The following FRMD1 variants were observed in gnomAD, a reference collection of about 807,000 sequenced individuals.
FRMD1 encodes FERM domain containing 1.
FRMD1 carries 51 observed loss-of-function variants against 54.9 expected under a neutral mutation model. The ratio of observed to expected loss-of-function variants is 0.93; its 90% CI spans 0.74 to 1.17. The LOEUF is 1.17. FRMD1 is among the 50% of genes most tolerant of loss of function. The pLI, the probability that FRMD1 is intolerant of heterozygous loss-of-function variation, is 0.00. For synonymous variants in FRMD1, 324 were observed against 306.4 expected (o/e 1.06, Z -0.60); for missense variants, 729 against 743.0 (o/e 0.98, Z 0.22).
At position 168,057,290 on chromosome 6, in the gene FRMD1, A is replaced by C. The variant is rs1169521651; in HGVS notation, c.1457T>G (p.Leu486Arg). 1 of 1,612,386 alleles carries C rather than the reference A, an allele frequency of 6.2e-7. No homozygotes were observed. Among genetic ancestry groups the C allele is most frequent in the South Asian group, 1.1e-5 (1 of 91,000 alleles). The stretch of plus-strand genomic sequence containing the variant: ...CAGCTGGTGCAGCTGCATGTCGTCC[A>C]GGCCATGGCTGTGCTGCTCCTCACT... ...GVSEEQHSHG[L>R]DDMQLHQLAL... Residue 486 changes from leucine (L) to arginine (R), a missense_variant, in exon 11 of 11, where the codon CTG (leucine) becomes CGG (arginine). Coordinates refer to ENST00000283309, the MANE Select transcript of FRMD1 (RefSeq NM_024919.6).
At chr6:168,071,483 C>T (rs902099427) in intron 2 of FRMD1, among the ~76,000 whole-genome samples, 2 of 152,146 alleles carry the variant, frequency 1.3e-5, no homozygotes, top group Non-Finnish European at 2.9e-5. Flanking sequence ...GGTGCCAAAC[C>T]GCAGCGCCAG....
chr6:168,065,180 C>A (rs889134671), intron 4 of FRMD1, 123 bp from the exon 5 acceptor site: 2 of 1,437,122 alleles, frequency 1.4e-6, no homozygotes, highest in African/African-American at 2.9e-5. Context: ...GTACCTAGTT[C>A]CTGTCTTGTT....
chr6:168,075,103 T>G, intron 2 of FRMD1, 142 bp downstream of exon 2: 1 of 701,054 alleles, frequency 1.4e-6, no homozygotes, highest in Non-Finnish European at 2.5e-6. Flanking sequence ...AACTGTGCAT[T>G]GTGCATGGTG....
In FRMD1 at chr6:168,054,657, G is replaced by T. The variant is rs1434766657; in HGVS notation, c.*2440C>A. 2.0e-5 allele frequency: 3 copies of T among 151,802 alleles called. No homozygotes were observed. The East Asian group carries it at 5.8e-4, about 29-fold the overall frequency. 9.4% of individuals were successfully genotyped at this position (151,802 alleles called of 1,614,324 possible). A position where few individuals can be genotyped will look rare whatever the true frequency, so the allele number is the denominator to read the frequency against. ...TGGAAAATAGCCGTATTGCCTAAAA[G>T]ACCTCTGATCTCAATCTGTGCAAAA... On this transcript the variant is annotated 3_prime_UTR_variant, in exon 11 of 11. Transcript: ENST00000283309.
rs550189491 is a variant in FRMD1, at chr6:168,078,795, G to T, written c.213+87C>A. On this transcript the variant is annotated intron_variant, in intron 1 of 10. Transcript: ENST00000283309. The stretch of plus-strand genomic sequence containing the variant: ...CCCTGCTCACCCCCACGGCCACCCA[G>T]GGCCCTGCTCACCCCCACGGCCACC... 1.1e-3 allele frequency: 1,037 copies of T among 933,266 alleles called. 18 individuals carry two copies. In the African/African-American group the frequency reaches 0.016, roughly 15 times the overall value. The allele number at this position is 933,266 out of a possible 1,614,324, so 57.8% of individuals were successfully genotyped here.
chr6:168,075,274 G>T lies in FRMD1; in HGVS notation c.275C>A (p.Ala92Glu). The T allele has an allele frequency of 6.2e-7, 1 of 1,613,774 alleles. No homozygotes were observed. ...GACCACACAGAGGCCAAAGAACTGC[G>T]CGTCTCTGATGCTCGCCACGTTGCA... ...QVCNVASIRD[A>E]QFFGLCVVRN... The change falls in exon 2 of 11, where the codon GCG becomes GAG. Residue 92 changes from alanine (A) to glutamate (E), a missense_variant. Physicochemically the swap from Ala to Glu is moderately radical, Grantham distance 107 (BLOSUM62 -1). Coordinates refer to ENST00000283309, the MANE Select transcript of FRMD1 (RefSeq NM_024919.6).
intron 1 of FRMD1, among the ~76,000 whole-genome samples, chr6:168,088,942 C>T (rs1800969462): frequency 1.6e-5 from 1 of 64,406 alleles, no homozygotes; most frequent in African/African-American, 4.2e-5. Flanking sequence ...TGGGCCTGCT[C>T]TCAGACACTG....
At chr6:168,066,328 G>A (rs936588984) in intron 4 of FRMD1, 31 of 571,838 alleles carry the variant, frequency 5.4e-5, no homozygotes, top group Non-Finnish European at 6.2e-5. Context: ...GAGAAACCCC[G>A]TCTCTACTGA....
upstream of FRMD1, among the ~76,000 whole-genome samples, chr6:168,082,364 G>A (rs1800848536): frequency 6.6e-6 from 1 of 152,152 alleles, no homozygotes; most frequent in Non-Finnish European, 1.5e-5. Flanking sequence ...CCACCATCGA[G>A]CCTGTACTCT....
rs777623372 is a variant in FRMD1, at chr6:168,062,912, C to T, written c.852G>A (p.Arg284=). 3.1e-6 allele frequency: 5 copies of T among 1,614,046 alleles called. No homozygotes were observed. The South Asian group carries it at 5.5e-5, about 18-fold the overall frequency. Reference sequence around the variant, plus strand: ...CGGTCACCTGGTAGATGTGCACTCCCCTGAGGGCCAGTCCCAGGATCACGG... The same window carrying T: ...CGGTCACCTGGTAGATGTGCACTCCTCTGAGGGCCAGTCCCAGGATCACGG... ...RPTVILGLAL[R]GVHIYQGKKL... is the part of the protein sequence containing the mutation. The change falls in exon 7 of 11, where the codon AGG becomes AGA. Residue 284 remains arginine, a synonymous_variant. Transcript: ENST00000283309.
At chr6:168,090,087 C>T (rs1189065976) in intron 1 of FRMD1, among the ~76,000 whole-genome samples, 2 of 152,176 alleles carry the variant, frequency 1.3e-5, no homozygotes, top group African/African-American at 4.8e-5. Flanking sequence ...GCGTTACCCC[C>T]AGAACCCACC....
chr6:168,059,332 G>A lies in FRMD1; in HGVS notation c.1343-144C>T. 1.5e-6 allele frequency: 1 copy of A among 666,426 alleles called. No individual in the cohort carries two copies. Among genetic ancestry groups the A allele is most frequent in the Non-Finnish European group, 2.6e-6 (1 of 392,082 alleles). 41.3% of individuals were successfully genotyped at this position (666,426 alleles called of 1,614,324 possible). A position where few individuals can be genotyped will look rare whatever the true frequency, so the allele number is the denominator to read the frequency against. ...ACACCGCCCCCTTGCTCTCAGTGCG[G>A]TGACTGCTTTTGCTCCATTCCCCGA... On this transcript the variant is annotated intron_variant, in intron 9 of 10. Transcript: ENST00000283309. The surrounding 1 kb of genome is among the most constrained non-coding windows in gnomAD (Gnocchi z 4.4).
At chr6:168,069,263 C>T (rs1035303801) in intron 2 of FRMD1, among the ~76,000 whole-genome samples, 7 of 152,226 alleles carry the variant, frequency 4.6e-5, no homozygotes, top group African/African-American at 1.7e-4. Flanking sequence ...CAGGCCAAAC[C>T]CCAGCACCCA....
chr6:168,079,058 C>A lies in FRMD1; in HGVS notation c.37G>T (p.Ala13Ser). ...VPPRGRGIDP[A>S]RTNPDTFPPS... ...GGGAACGTGTCAGGGTTTGTCCGGG[C>A]GGGGTCTATGCCCCTCCCTCTCGGG... Residue 13 changes from alanine to serine, a missense_variant, in exon 1 of 11, where the codon GCC becomes TCC. Coordinates refer to ENST00000283309, the MANE Select transcript of FRMD1 (RefSeq NM_024919.6). 3.1e-6 allele frequency: 5 copies of A among 1,609,746 alleles called. No homozygotes were observed. Among genetic ancestry groups the A allele is most frequent in the Non-Finnish European group, 4.2e-6 (5 of 1,179,836 alleles).
upstream of FRMD1, among the ~76,000 whole-genome samples, chr6:168,084,043 G>A (rs1482442864): frequency 6.6e-6 from 1 of 152,232 alleles, no homozygotes; most frequent in Non-Finnish European, 1.5e-5. Flanking sequence ...AACTGAGGAA[G>A]AATAGCCTGC....
upstream of FRMD1, among the ~76,000 whole-genome samples, chr6:168,084,575 C>T (rs574458017): frequency 7.9e-5 from 12 of 152,284 alleles, no homozygotes; most frequent in East Asian, 2.3e-3. Flanking sequence ...TGAGCTTGGT[C>T]CCCAGACTGC....
intron 4 of FRMD1, chr6:168,066,289 G>A (rs1042607305): frequency 2.6e-5 from 21 of 798,754 alleles, no homozygotes; most frequent in Non-Finnish European, 3.0e-5. Flanking sequence ...ACCTGAGGTC[G>A]GGAGTTTGAG....
chr6:168,068,936 T>C (rs1222911017), intron 2 of FRMD1, among the ~76,000 whole-genome samples: 1 of 152,240 alleles, frequency 6.6e-6, no homozygotes, highest in Non-Finnish European at 1.5e-5. Context: ...TAATCCTTAG[T>C]ACCTGGCTCT....
chr6:168,079,162 C>T lies in FRMD1; in HGVS notation c.-68G>A. On this transcript the variant is annotated 5_prime_UTR_variant, in exon 1 of 11. Coordinates refer to ENST00000283309, the MANE Select transcript of FRMD1 (RefSeq NM_024919.6). ...GTGCTCAGCACCTCCCAGATCACAGCTGTGCTTTCCGGGACCCGCCCTTGC... is the reference window on the plus strand; with the variant it reads ...GTGCTCAGCACCTCCCAGATCACAGTTGTGCTTTCCGGGACCCGCCCTTGC... The T allele has an allele frequency of 6.8e-7, 1 of 1,478,006 alleles. No individual in the cohort carries two copies. Among genetic ancestry groups the T allele is most frequent in the Middle Eastern group, 1.8e-4 (1 of 5,546 alleles). 91.6% of individuals were successfully genotyped at this position (1,478,006 alleles called of 1,614,324 possible). A position where few individuals can be genotyped will look rare whatever the true frequency, so the allele number is the denominator to read the frequency against.
Sources: allele counts gnomAD v4.1 joint callset (sites outside exome capture counted in the v4.1 genomes callset), GRCh38; gene constraint gnomAD v4.1.1; non-coding constraint Gnocchi (gnomAD v3.1); transcripts MANE v1.5; gene names NCBI Gene and HGNC (gene_info 2026-07-23, HGNC 2026-07-21).